ACOT11: variants seen among roughly 807,000 people sequenced by gnomAD.
The protein encoded by ACOT11 is acyl-coenzyme A thioesterase 11.
In ACOT11, 69 loss-of-function variants were observed where a neutral mutation model predicts 77.5. The ratio of observed to expected loss-of-function variants is 0.89; its 90% CI spans 0.73 to 1.09. ACOT11 has a LOEUF of 1.09. Among genes scored for constraint, ACOT11 ranks in the 50% least tolerant of loss-of-function variants. ACOT11 has a pLI of 0.00. For missense variants in ACOT11, 766 were observed against 813.7 expected (o/e 0.94, Z 0.71); for synonymous variants, 279 against 313.0 (o/e 0.89, Z 1.15).
chr1:54,581,511 T>A (rs138162823), intron 1 of ACOT11, among the ~76,000 whole-genome samples: 86 of 152,156 alleles, frequency 5.7e-4, no homozygotes, highest in African/African-American at 1.9e-3. Context: ...ACCCTGCAGG[T>A]CTGTGACATG....
At chr1:54,583,426 G>A (rs1654389811) in intron 1 of ACOT11, among the ~76,000 whole-genome samples, 1 of 152,148 alleles carries the variant, frequency 6.6e-6, no homozygotes, top group South Asian at 2.1e-4. Flanking sequence ...TATACACCAG[G>A]TGCAAGAGCT....
intron 1 of ACOT11, among the ~76,000 whole-genome samples, chr1:54,579,639 G>A (rs1223502375): frequency 6.6e-6 from 1 of 152,218 alleles, no homozygotes; most frequent in African/African-American, 2.4e-5. Context: ...AGACAATGGG[G>A]CCTTTCATGG....
rs187512359 is a variant in ACOT11, at chr1:54,604,180, C to A, written c.1153-166C>A. Among the ~76,000 whole-genome samples the A allele has an allele frequency of 3.3e-3, 500 of 152,172 alleles. 2 individuals carry two copies. Among genetic ancestry groups the A allele is most frequent in the Non-Finnish European group, 5.9e-3 (401 of 68,012 alleles). ...GGGTCTAGCCAAGCCCAAGCCTGGACCTCCCTTCTCAACGCCCAGGACTCT... is the reference window on the plus strand; with the variant it reads ...GGGTCTAGCCAAGCCCAAGCCTGGAACTCCCTTCTCAACGCCCAGGACTCT... On this transcript the variant is annotated intron_variant, in intron 11 of 15. Coordinates refer to ENST00000343744, the MANE Select transcript of ACOT11 (RefSeq NM_147161.4).
downstream of ACOT11, among the ~76,000 whole-genome samples, chr1:54,612,313 G>A (rs562635486): frequency 6.6e-6 from 1 of 151,956 alleles, no homozygotes; most frequent in East Asian, 2.0e-4. Context: ...GAGGTAGTGA[G>A]TAGCCCGTCA....
At chr1:54,563,329 G>T (rs964891739) in intron 1 of ACOT11, among the ~76,000 whole-genome samples, 25 of 152,064 alleles carry the variant, frequency 1.6e-4, no homozygotes, top group African/African-American at 5.3e-4. Context: ...AAATGGCTTT[G>T]GTATTGAGAA....
chr1:54,609,716 AAGAGGCCAAGGCTGG>A lies in ACOT11; in HGVS notation c.*611_*625del, dbSNP rs1557668302. 1 of 1,614,132 alleles carries A rather than the reference AAGAGGCCAAGGCTGG, an allele frequency of 6.2e-7. No homozygotes were observed. The highest frequency in any genetic ancestry group is 8.5e-7 in the Non-Finnish European group (1 of 1,180,008). On this transcript the variant is annotated 3_prime_UTR_variant, in exon 16 of 16. Coordinates refer to ENST00000343744, the MANE Select transcript of ACOT11 (RefSeq NM_147161.4). ...GGCCCCAACCCACACAGGCCAATGC[AAGAGGCCAAGGCTGG>A]AGAGGCGTGCCAGCAAGGCCAGGGA...
At chr1:54,598,164 A>G (rs1643912211) in intron 7 of ACOT11, 1 of 152,272 alleles carries the variant, frequency 6.6e-6, no homozygotes, top group African/African-American at 2.4e-5. Flanking sequence ...TGCATAAGCA[A>G]TGCTGTTTTG....
intron 1 of ACOT11, among the ~76,000 whole-genome samples, chr1:54,561,915 C>CA (rs1653512215): frequency 7.3e-5 from 5 of 68,530 alleles, no homozygotes; most frequent in Non-Finnish European, 1.0e-4. Flanking sequence ...GGGGGGCTGA[C>CA]CCCCCCCCCA....
At chr1:54,638,974 T>C (rs7543255) in exon 17 of ACOT11, 43,321 of 151,878 alleles carry the variant, frequency 0.29, 6,336 homozygotes, top group East Asian at 0.35. Context: ...GAGGATCGCT[T>C]GGGCTCAAGA....
chr1:54,597,095 C>T (rs971827499), intron 6 of ACOT11, among the ~76,000 whole-genome samples, 164 bp from the exon 7 acceptor site: 1 of 152,214 alleles, frequency 6.6e-6, no homozygotes, highest in Non-Finnish European at 1.5e-5. Context: ...GCTCATCCCT[C>T]TCATCCAGGG....
At chr1:54,611,511 T>G (rs1644117944), downstream of ACOT11, 1 of 1,322,250 alleles carries the variant, frequency 7.6e-7, no homozygotes, top group Non-Finnish European at 1.1e-6. Context: ...TTCCCCCTTC[T>G]GATATCCCTT....
intron 1 of ACOT11, among the ~76,000 whole-genome samples, chr1:54,562,647 A>C (rs945016437): frequency 7.5e-6 from 1 of 133,038 alleles, no homozygotes; most frequent in East Asian, 2.2e-4. Flanking sequence ...CTCACTTCTC[A>C]GACGGGGTGG....
intron 1 of ACOT11, among the ~76,000 whole-genome samples, chr1:54,560,053 A>T (rs895970139): frequency 6.6e-6 from 1 of 152,140 alleles, no homozygotes; most frequent in African/African-American, 2.4e-5. Flanking sequence ...TGCGGGTTAG[A>T]GGTGACATTG....
intron 15 of ACOT11, among the ~76,000 whole-genome samples, chr1:54,608,347 T>G (rs1299686186): frequency 1.3e-5 from 2 of 152,150 alleles, no homozygotes; most frequent in Non-Finnish European, 2.9e-5. Flanking sequence ...CGTCATTCAC[T>G]TGGATAGCCC....
intron 1 of ACOT11, among the ~76,000 whole-genome samples, chr1:54,558,782 T>C (rs1469083710): frequency 1.3e-5 from 2 of 152,162 alleles, no homozygotes; most frequent in Non-Finnish European, 2.9e-5. Context: ...ACCTGCAGGC[T>C]GGGGGTCCAG....
At chr1:54,597,718 C>G (rs902271376) in intron 7 of ACOT11, 5 of 385,186 alleles carry the variant, frequency 1.3e-5, no homozygotes, top group Admixed American at 4.3e-5. Context: ...CTTCTAGTAT[C>G]TATGTTCGCT....
intron 8 of ACOT11, among the ~76,000 whole-genome samples, chr1:54,600,598 C>A (rs1444667089): frequency 6.6e-6 from 1 of 152,066 alleles, no homozygotes; most frequent in Admixed American, 6.6e-5. Flanking sequence ...CACGAGAATC[C>A]CTTGAATCCA....
In ACOT11 at chr1:54,607,088, G is replaced by A. The variant is rs769606336; in HGVS notation, c.1371-46G>A. The A allele has an allele frequency of 6.2e-7, 1 of 1,611,296 alleles. No individual in the cohort carries two copies. Among genetic ancestry groups the A allele is most frequent in the Non-Finnish European group, 8.5e-7 (1 of 1,178,438 alleles). ...CCCGGGCAGACCCGCTGCTTGCATGGGAGCTGGAAGCTTCCTGGGGCACTG... is the reference window on the plus strand; with the variant it reads ...CCCGGGCAGACCCGCTGCTTGCATGAGAGCTGGAAGCTTCCTGGGGCACTG... On this transcript the variant is annotated intron_variant, in intron 13 of 15. Transcript: ENST00000343744. This position sits in a 1 kb window ranked among gnomAD's most constrained non-coding sequence, Gnocchi z 4.5.
At chr1:54,561,087 T>G (rs145757920) in intron 1 of ACOT11, among the ~76,000 whole-genome samples, 58,242 of 126,684 alleles carry the variant, frequency 0.46, 12,054 homozygotes, top group Non-Finnish European at 0.52. Context: ...TTTTTATTTT[T>G]TTTATTTTTT....
Sources: allele counts gnomAD v4.1 joint callset (sites outside exome capture counted in the v4.1 genomes callset), GRCh38; gene constraint gnomAD v4.1.1; non-coding constraint Gnocchi (gnomAD v3.1); transcripts MANE v1.5; gene names NCBI Gene and HGNC (gene_info 2026-07-23, HGNC 2026-07-21).